The following USF2 variants were observed in gnomAD, a reference collection of about 807,000 sequenced individuals.
The protein encoded by USF2 is upstream transcription factor 2, c-fos interacting.
Under a neutral mutation model 46.9 loss-of-function variants are expected in USF2, and 16 were observed. The ratio of observed to expected loss-of-function variants is 0.34; its 90% CI spans 0.23 to 0.52. The LOEUF is 0.52. USF2 is among the 20% of genes least tolerant of loss of function. USF2 has a pLI of 0.96. For synonymous variants in USF2, 239 were observed against 194.1 expected, an observed-to-expected ratio of 1.23 and a Z score of -1.92; for missense variants, 411 against 474.0, an observed-to-expected ratio of 0.87 and a Z score of 1.23.
intron 7 of USF2, 90 bp from the exon 8 acceptor site, chr19:35,278,608 G>T: frequency 7.4e-7 from 1 of 1,343,746 alleles, no homozygotes; most frequent in South Asian, 1.2e-5. Flanking sequence ...CTGTTCCTGG[G>T]TGTCCTTGGG....
chr19:35,270,657 G>C (rs1012836366), intron 5 of USF2, 60 bp downstream of exon 5: 9 of 1,609,822 alleles, frequency 5.6e-6, no homozygotes, highest in African/African-American at 1.3e-5. Flanking sequence ...AGGGAGGGAA[G>C]CCCCCCCAGC....
intron 3 of USF2, 48 bp from the exon 4 acceptor site, chr19:35,269,755 T>C (rs2066119144): frequency 1.3e-6 from 2 of 1,486,858 alleles, no homozygotes; most frequent in Non-Finnish European, 1.8e-6. Context: ...CCGGGAAGGC[T>C]CGGACCTGGC....
intron 4 of USF2, 90 bp downstream of exon 4, chr19:35,270,093 G>A: frequency 7.7e-7 from 1 of 1,303,754 alleles, no homozygotes; most frequent in Non-Finnish European, 9.8e-7. Flanking sequence ...GGTGGGGCAG[G>A]TGTCGCCCAG....
intron 7 of USF2, among the ~76,000 whole-genome samples, chr19:35,276,751 C>A (rs2066239564): frequency 6.6e-6 from 1 of 152,230 alleles, no homozygotes; most frequent in South Asian, 2.1e-4. Context: ...CCCCCATTCC[C>A]ATGCAGAGGC....
At chr19:35,275,654 T>C (rs770801118) in intron 7 of USF2, 10 of 152,252 alleles carry the variant, frequency 6.6e-5, no homozygotes, top group Admixed American at 2.0e-4. Context: ...ATTTCTTCTT[T>C]GACCTTTCTG....
rs377343427 is a variant in USF2, at chr19:35,279,261, C to A, written c.*5C>A. 2 of 1,516,192 alleles carry A rather than the reference C, an allele frequency of 1.3e-6. No individual in the cohort carries two copies. Among genetic ancestry groups the A allele is most frequent in the East Asian group, 4.9e-5 (2 of 40,940 alleles). The allele number at this position is 1,516,192 out of a possible 1,614,324, so 93.9% of individuals were successfully genotyped here. ...GGCGAGGGCACCCGGCAGTGACGCC[C>A]GCCACCACCACGCAGCCGCCGCCGC... On this transcript the variant is annotated 3_prime_UTR_variant, in exon 10 of 10. Transcript: ENST00000222305.
chr19:35,277,030 G>A (rs10421599), intron 7 of USF2: 30,642 of 152,276 alleles, frequency 0.2, 3,264 homozygotes, highest in Middle Eastern at 0.24. Flanking sequence ...GGCAGAGGCT[G>A]AAACGAGGCC....
chr19:35,279,468 C>T lies in USF2; in HGVS notation c.*212C>T, dbSNP rs2066281371. ...GGAAACGGTATCCTCCCTGCCCATC[C>T]GTCTGTCTGTCGCCCTTCTCCCGGC... On this transcript the variant is annotated 3_prime_UTR_variant, in exon 10 of 10. Transcript: ENST00000222305. The T allele has an allele frequency of 3.6e-6, 2 of 554,360 alleles. No homozygotes were observed. Among genetic ancestry groups the T allele is most frequent in the Non-Finnish European group, 6.0e-6 (2 of 332,094 alleles). The allele number at this position is 554,360 out of a possible 1,614,324, so 34.3% of individuals were successfully genotyped here.
chr19:35,278,494 G>C (rs965222315), intron 7 of USF2: 1 of 583,784 alleles, frequency 1.7e-6, no homozygotes, highest in African/African-American at 1.9e-5. Context: ...TGGCACTGGA[G>C]GGCCCACGTT....
chr19:35,279,078 G>T lies in USF2; in HGVS notation c.951+4G>T, dbSNP rs749256208. On this transcript the variant is annotated splice_donor_region_variant and intron_variant, in intron 9 of 9. Coordinates refer to ENST00000222305, the MANE Select transcript of USF2 (RefSeq NM_003367.4). ...CAACGAGCTCCTGAGGCAGCAGGTGGGTGCGGGGCCTGGAGCGGGTCAGGG... is the reference window on the plus strand; with the variant it reads ...CAACGAGCTCCTGAGGCAGCAGGTGTGTGCGGGGCCTGGAGCGGGTCAGGG... 6.2e-7 allele frequency: 1 copy of T among 1,607,616 alleles called. No individual in the cohort carries two copies.
chr19:35,271,500 C>T (rs1312028125), intron 7 of USF2, among the ~76,000 whole-genome samples: 1 of 152,194 alleles, frequency 6.6e-6, no homozygotes, highest in Non-Finnish European at 1.5e-5. Context: ...TGGCAGCTGT[C>T]ATGCTCACAT....
At chr19:35,271,260 A>G in intron 7 of USF2, 119 bp downstream of exon 7, 1 of 1,211,098 alleles carries the variant, frequency 8.3e-7, no homozygotes, top group South Asian at 1.3e-5. Context: ...AGTGCTCCAG[A>G]GGGCTTTGCT....
chr19:35,273,951 C>G lies in USF2; in HGVS notation c.727+2810C>G, dbSNP rs2066195686. Among the ~76,000 whole-genome samples the G allele has an allele frequency of 5.9e-5, 9 of 152,334 alleles. No individual in the cohort carries two copies. The South Asian group carries it at 1.9e-3, about 32-fold the overall frequency. ...CAGTATCCCCCAAACTCTGTTCCCC[C>G]TTGTAGGTGTTCCTCTTTTTTCTTT... On this transcript the variant is annotated intron_variant, in intron 7 of 9. Coordinates refer to ENST00000222305, the MANE Select transcript of USF2 (RefSeq NM_003367.4).
intron 1 of USF2, 95 bp downstream of exon 1, chr19:35,269,258 G>A (rs954248553): frequency 3.1e-6 from 3 of 959,076 alleles, no homozygotes; most frequent in South Asian, 4.7e-5. Context: ...GAGCGGCCGC[G>A]GGCCCGGCTC....
At chr19:35,271,287 G>C (rs929904670) in intron 7 of USF2, 146 bp downstream of exon 7, 9 of 876,594 alleles carry the variant, frequency 1.0e-5, no homozygotes, top group Non-Finnish European at 1.6e-5. Flanking sequence ...TGTAAAGGTA[G>C]AAAGTGAGCA....
At chr19:35,273,565 C>CT (rs983941434) in intron 7 of USF2, among the ~76,000 whole-genome samples, 45 of 151,608 alleles carry the variant, frequency 3.0e-4, no homozygotes, top group Non-Finnish European at 1.5e-4. Context: ...GCGAGTGTTT[C>CT]TTTTTTTTTG....
chr19:35,271,053 A>T, intron 6 of USF2, 30 bp from the exon 7 acceptor site: 1 of 1,613,092 alleles, frequency 6.2e-7, no homozygotes, highest in Middle Eastern at 1.7e-4. Flanking sequence ...GCGATAATAC[A>T]TGCCCCCTTT....
At position 35,269,450 on chromosome 19, in the gene USF2, G is replaced by C; in HGVS notation, c.67G>C (p.Asp23His). 1 of 1,535,798 alleles carries C rather than the reference G, an allele frequency of 6.5e-7. No homozygotes were observed. Among genetic ancestry groups the C allele is most frequent in the Non-Finnish European group, 8.7e-7 (1 of 1,150,224 alleles). Residue 23 changes from aspartate to histidine, a missense_variant, in exon 2 of 10, where the codon GAC (aspartate) becomes CAC (histidine). Asp to His is a moderately conservative substitution (Grantham distance 81). Coordinates refer to ENST00000222305, the MANE Select transcript of USF2 (RefSeq NM_003367.4). ...TCCCTCCTGTGCCCCTGGCAGCCACGACAAGGGACCCGAGGCGGAGGAGGG... is the reference window on the plus strand; with the variant it reads ...TCCCTCCTGTGCCCCTGGCAGCCACCACAAGGGACCCGAGGCGGAGGAGGG... ...SATAAAAASH[D>H]KGPEAEEGVE...
rs1234277363 is a variant in USF2, at chr19:35,274,332, T to C, written c.727+3191T>C. Among the ~76,000 whole-genome samples the C allele has an allele frequency of 2.6e-5, 4 of 152,354 alleles. No homozygotes were observed. In the East Asian group the frequency reaches 5.8e-4, roughly 22 times the overall value. On this transcript the variant is annotated intron_variant, in intron 7 of 9. Coordinates refer to ENST00000222305, the MANE Select transcript of USF2 (RefSeq NM_003367.4). ...TCAACTCTGCCCTCTTCTTCCCTTA[T>C]GGCCACAAACCCCAAGTTTCTCTTC...
Sources: gnomAD v4.1 joint callset for allele counts (sites outside exome capture counted in the v4.1 genomes callset) on GRCh38, gnomAD v4.1.1 for gene constraint, MANE v1.5 for transcripts, NCBI Gene and HGNC (gene_info 2026-07-23, HGNC 2026-07-21) for gene names.